DMD: variants seen among roughly 807,000 people sequenced by gnomAD.
DMD encodes the protein mutant dystrophin.
Under a neutral mutation model 330.1 loss-of-function variants are expected in DMD, and 63 were observed. The observed-to-expected ratio is 0.19, with a 90% CI of 0.16 to 0.24. The LOEUF is 0.24. Ranked by LOEUF, DMD falls within the 10% of genes least tolerant of loss-of-function variation. The pLI, the probability that DMD is intolerant of heterozygous loss-of-function variation, is 1.00. For missense variants in DMD, 3,344 were observed against 2,684.1 expected, an observed-to-expected ratio of 1.25 and a Z score of -5.43; for synonymous variants, 1,223 against 959.8, an observed-to-expected ratio of 1.27 and a Z score of -5.07.
intron 52 of DMD, among the ~76,000 whole-genome samples, chrX:31,680,199 C>T (rs1297394753): frequency 8.9e-6 from 1 of 111,768 alleles, no homozygotes; most frequent in Non-Finnish European, 1.9e-5. Flanking sequence ...ACAACAGCAG[C>T]TGGCTTGATA....
In DMD at chrX:31,371,278, T is replaced by C. The variant is rs190530486; in HGVS notation, c.9085-22644A>G. Among the ~76,000 whole-genome samples, 3 of 111,281 alleles carry C rather than the reference T, an allele frequency of 2.7e-5. No individual in the cohort carries two copies. The East Asian group carries it at 8.4e-4, about 31-fold the overall frequency. On this transcript the variant is annotated intron_variant, in intron 60 of 78. Coordinates refer to ENST00000357033, the MANE Select transcript of DMD (RefSeq NM_004006.3). ...TAGTTCTCAGTAATGTATCAATGAC[T>C]GAATTTTCATCAGATTAGTTATATT...
intron 68 of DMD, among the ~76,000 whole-genome samples, chrX:31,181,389 T>C (rs763348614): frequency 3.8e-4 from 42 of 111,689 alleles, no homozygotes; most frequent in East Asian, 8.4e-4. Flanking sequence ...GGCAAAAGAA[T>C]TGAAGGTGAA....
intron 34 of DMD, among the ~76,000 whole-genome samples, chrX:32,365,734 AT>A (rs1314620144): frequency 8.9e-6 from 1 of 112,005 alleles, no homozygotes; most frequent in African/African-American, 3.2e-5. Context: ...TGTGCAACAC[AT>A]TTTTTAAATA....
At chrX:32,380,892 G>A (rs1325543926) in intron 33 of DMD, among the ~76,000 whole-genome samples, 3 of 109,992 alleles carry the variant, frequency 2.7e-5, no homozygotes, top group Non-Finnish European at 3.8e-5. Flanking sequence ...CAAAAGATAG[G>A]GTCTTGTATG....
intron 44 of DMD, among the ~76,000 whole-genome samples, chrX:32,127,443 T>C (rs1374281051): frequency 9.0e-6 from 1 of 111,338 alleles, no homozygotes; most frequent in African/African-American, 3.3e-5. Flanking sequence ...CTAACTTCAA[T>C]AACTTCCAGC....
At chrX:32,589,300 T>G (rs2054624934) in intron 13 of DMD, among the ~76,000 whole-genome samples, 1 of 111,562 alleles carries the variant, frequency 9.0e-6, no homozygotes, top group Non-Finnish European at 1.9e-5. Context: ...TAGAGTATAA[T>G]TATTAGTTCA....
intron 41 of DMD, among the ~76,000 whole-genome samples, chrX:32,333,549 A>C (rs1222529953): frequency 9.0e-6 from 1 of 111,290 alleles, no homozygotes; most frequent in Non-Finnish European, 1.9e-5. Context: ...TCATCGTCTC[A>C]TAGTGATGAT....
At chrX:32,890,696 C>T (rs1170625490) in intron 2 of DMD, among the ~76,000 whole-genome samples, 1 of 111,594 alleles carries the variant, frequency 9.0e-6, no homozygotes, top group African/African-American at 3.3e-5. Flanking sequence ...GAAATCAGAA[C>T]GTTTTATCAT....
chrX:33,291,160 G>A (rs1453984818), intron 1 of DMD, among the ~76,000 whole-genome samples: 3 of 111,169 alleles, frequency 2.7e-5, no homozygotes, highest in African/African-American at 6.5e-5. Flanking sequence ...CAAAAACTAC[G>A]ATTATCTCAA....
intron 45 of DMD, among the ~76,000 whole-genome samples, chrX:31,967,126 G>A (rs1470634590): frequency 1.8e-5 from 2 of 110,484 alleles, no homozygotes; most frequent in East Asian, 5.7e-4. Context: ...GTATGATTAA[G>A]AGAAGAATTT....
At chrX:32,446,574 C>G (rs1388633690) in intron 27 of DMD, among the ~76,000 whole-genome samples, 2 of 109,797 alleles carry the variant, frequency 1.8e-5, no homozygotes, top group Admixed American at 2.0e-4. Flanking sequence ...AAGGGAAGAA[C>G]AAAAGGCAAA....
chrX:31,363,497 C>T (rs991285889), intron 60 of DMD, among the ~76,000 whole-genome samples: 4 of 106,732 alleles, frequency 3.7e-5, no homozygotes, highest in East Asian at 3.0e-4. Flanking sequence ...TCTCCTGCCT[C>T]GGCCTCCCCA....
rs192465769 is a variant in DMD, at chrX:33,228,718, T to G, written c.7+110541A>C. On this transcript the variant is annotated intron_variant, in intron 1 of 17. Transcript: ENST00000288447. ...AAAAAAATTTTTCTTCAGCTTTTTT[T>G]TTTTTTGAGACAGGGTCTCACTCTG... Among the ~76,000 whole-genome samples the G allele has an allele frequency of 4.9e-4, 54 of 109,551 alleles. No homozygotes were observed. In the East Asian group the frequency reaches 0.013, roughly 27 times the overall value.
At chrX:31,787,731 A>G (rs2091377805) in intron 50 of DMD, among the ~76,000 whole-genome samples, 1 of 112,272 alleles carries the variant, frequency 8.9e-6, no homozygotes, top group Admixed American at 9.5e-5. Context: ...CTGGGTCAGT[A>G]AACATGTTAT....
intron 9 of DMD, among the ~76,000 whole-genome samples, chrX:32,666,201 T>A (rs1174085883): frequency 4.5e-5 from 5 of 111,119 alleles, no homozygotes; most frequent in African/African-American, 1.3e-4. Flanking sequence ...TCTTTTTTTA[T>A]TATTATACTT....
chrX:32,500,394 G>C (rs1480102914), intron 19 of DMD, among the ~76,000 whole-genome samples: 1 of 111,329 alleles, frequency 9.0e-6, no homozygotes, highest in Non-Finnish European at 1.9e-5. Flanking sequence ...TTTAAATCCT[G>C]CATGTAGTTT....
chrX:31,782,629 C>T (rs994365801), intron 50 of DMD, among the ~76,000 whole-genome samples: 3 of 111,246 alleles, frequency 2.7e-5, no homozygotes, highest in African/African-American at 9.8e-5. Flanking sequence ...TAAGTCTCTA[C>T]ATTTGGGGTA....
At chrX:31,417,766 C>T (rs1448103702) in intron 60 of DMD, among the ~76,000 whole-genome samples, 1 of 106,866 alleles carries the variant, frequency 9.4e-6, no homozygotes, top group Non-Finnish European at 1.9e-5. Flanking sequence ...TGGCTCACTG[C>T]AACCTCTGCC....
chrX:31,796,952 A>C (rs1820039954), intron 50 of DMD, among the ~76,000 whole-genome samples: 2 of 111,476 alleles, frequency 1.8e-5, no homozygotes, highest in Admixed American at 9.5e-5. Context: ...GAATGGAAGA[A>C]GCCTGAGGCC....
Sources: allele counts gnomAD v4.1 joint callset (sites outside exome capture counted in the v4.1 genomes callset), GRCh38; gene constraint gnomAD v4.1.1; transcripts MANE v1.5; gene names NCBI Gene and HGNC (gene_info 2026-07-23, HGNC 2026-07-21).